ST3GAL3: variants seen among roughly 807,000 people sequenced by gnomAD.
ST3GAL3 encodes ST3 beta-galactoside alpha-2,3-sialyltransferase 3.
Under a neutral mutation model 50.1 loss-of-function variants are expected in ST3GAL3, and 21 were observed. The ratio of observed to expected loss-of-function variants is 0.42; its 90% CI spans 0.30 to 0.60. ST3GAL3 has a LOEUF of 0.60. Among genes scored for constraint, ST3GAL3 ranks in the 20% least tolerant of loss-of-function variants. The probability of loss-of-function intolerance (pLI) is 0.19; values close to 1 mark genes in which losing one functional copy is unlikely to be tolerated. For missense variants in ST3GAL3, 353 were observed against 489.4 expected, an observed-to-expected ratio of 0.72 and a Z score of 2.63; for synonymous variants, 183 against 190.0, an observed-to-expected ratio of 0.96 and a Z score of 0.30.
At chr1:43,807,104 G>A (rs2059981433) in intron 3 of ST3GAL3, among the ~76,000 whole-genome samples, 1 of 152,174 alleles carries the variant, frequency 6.6e-6, no homozygotes, top group African/African-American at 2.4e-5. Context: ...TATGGCAGGG[G>A]TGATGCTGGG....
intron 5 of ST3GAL3, among the ~76,000 whole-genome samples, chr1:43,855,033 C>T (rs923066957): frequency 2.0e-5 from 3 of 152,104 alleles, no homozygotes; most frequent in Admixed American, 6.6e-5. Context: ...AAAGTTGCCA[C>T]ATTGATCCTA....
chr1:43,764,644 C>T (rs1171492952), intron 2 of ST3GAL3, among the ~76,000 whole-genome samples: 1 of 152,244 alleles, frequency 6.6e-6, no homozygotes, highest in East Asian at 1.9e-4. Flanking sequence ...AAGGCCTCAG[C>T]CCACCCCATG....
intron 5 of ST3GAL3, among the ~76,000 whole-genome samples, chr1:43,864,765 A>G (rs576489005): frequency 8.9e-4 from 135 of 152,270 alleles, no homozygotes; most frequent in Non-Finnish European, 1.4e-3. Context: ...AAATGACAAC[A>G]TTAGGTGGCT....
At chr1:43,776,957 C>T (rs1697485333) in intron 2 of ST3GAL3, among the ~76,000 whole-genome samples, 1 of 152,156 alleles carries the variant, frequency 6.6e-6, no homozygotes, top group Admixed American at 6.5e-5. Flanking sequence ...TGGTACCATG[C>T]TCTTTTAAGG....
At chr1:43,789,574 T>C (rs1389097194) in intron 2 of ST3GAL3, among the ~76,000 whole-genome samples, 2 of 152,114 alleles carry the variant, frequency 1.3e-5, no homozygotes, top group African/African-American at 2.4e-5. Context: ...GAAATGCTGA[T>C]AAAGAAGTAG....
At chr1:43,869,104 AC>A (rs2072021295) in intron 5 of ST3GAL3, among the ~76,000 whole-genome samples, 1 of 152,080 alleles carries the variant, frequency 6.6e-6, no homozygotes, top group South Asian at 2.1e-4. Flanking sequence ...TGGTTCTAGA[AC>A]CCTGTATCGT....
intron 5 of ST3GAL3, among the ~76,000 whole-genome samples, chr1:43,877,503 G>T (rs182679556): frequency 5.9e-5 from 9 of 152,274 alleles, no homozygotes; most frequent in African/African-American, 2.2e-4. Flanking sequence ...AGAAAAGACA[G>T]ATGGAATAGG....
Position 43,858,833 on chromosome 1 carries a change from GAGA to G in ST3GAL3, c.302+20525_302+20527del, listed in dbSNP as rs1157558125. The stretch of plus-strand genomic sequence containing the variant: ...CAAATAAATAGCCAGAGCTAGAGGG[GAGA>G]AGGAGGGCTGAAGCCTTGCCTCCCC... On this transcript the variant is annotated intron_variant, in intron 5 of 11. Coordinates refer to ENST00000347631, the MANE Select transcript of ST3GAL3 (RefSeq NM_006279.5). Among the ~76,000 whole-genome samples the G allele has an allele frequency of 2.0e-5, 3 of 152,360 alleles. 1 individual carries two copies. In the East Asian group the frequency reaches 5.8e-4, roughly 29 times the overall value.
intron 2 of ST3GAL3, among the ~76,000 whole-genome samples, chr1:43,750,803 G>C (rs1226331344): frequency 2.0e-5 from 3 of 151,806 alleles, no homozygotes; most frequent in African/African-American, 7.3e-5. Flanking sequence ...GAGGCTCAGT[G>C]AGCCATGTTC....
At chr1:43,792,351 A>C (rs2058182097) in intron 3 of ST3GAL3, among the ~76,000 whole-genome samples, 1 of 128,648 alleles carries the variant, frequency 7.8e-6, no homozygotes, top group African/African-American at 2.6e-5. Flanking sequence ...AGTTACTTTA[A>C]AAGTGCACAG....
chr1:43,851,191 A>G lies in ST3GAL3; in HGVS notation c.302+12880A>G, dbSNP rs2067230567. 5.6e-6 allele frequency: 8 copies of G among 1,439,066 alleles called. No homozygotes were observed. The South Asian group carries it at 9.1e-5, about 16-fold the overall frequency. The allele number at this position is 1,439,066 out of a possible 1,614,324, so 89.1% of individuals were successfully genotyped here. ...GGCGGGTGTTCTCCTCCAGCTGGTCATAGTTGATGTAGCCAGTGTCTGGGT... is the reference window on the plus strand; with the variant it reads ...GGCGGGTGTTCTCCTCCAGCTGGTCGTAGTTGATGTAGCCAGTGTCTGGGT... On this transcript the variant is annotated intron_variant, in intron 5 of 11. Transcript: ENST00000347631.
Position 43,899,442 on chromosome 1 carries a change from G to A in ST3GAL3, c.558-99G>A. On this transcript the variant is annotated intron_variant, in intron 8 of 11. Coordinates refer to ENST00000347631, the MANE Select transcript of ST3GAL3 (RefSeq NM_006279.5). The surrounding 1 kb of genome is among the most constrained non-coding windows in gnomAD (Gnocchi z 5.4). ...GGGGCACCTGGGGAGAATAGGTCCA[G>A]GTGACCTGGACTCCCTATTCTCCAT... 1 of 1,582,472 alleles carries A rather than the reference G, an allele frequency of 6.3e-7. No homozygotes were observed. The highest frequency in any genetic ancestry group is 1.1e-5 in the South Asian group (1 of 89,318).
At chr1:43,744,257 TC>T (rs904807722) in intron 2 of ST3GAL3, among the ~76,000 whole-genome samples, 1 of 152,104 alleles carries the variant, frequency 6.6e-6, no homozygotes, top group African/African-American at 2.4e-5. Flanking sequence ...TCAAGCATCT[TC>T]TTTTTTTTTT....
intron 2 of ST3GAL3, chr1:43,743,403 GCA>G (rs1190447264): frequency 3.5e-6 from 1 of 284,298 alleles, no homozygotes; most frequent in Non-Finnish European, 6.8e-6. Context: ...CTTTAGTGAA[GCA>G]GCAACTGATA....
intron 1 of ST3GAL3, among the ~76,000 whole-genome samples, chr1:43,720,773 T>A (rs10890273): frequency 0.68 from 102,980 of 152,144 alleles, 35,231 homozygotes; most frequent in East Asian, 0.72. Context: ...TTACATACCC[T>A]CTTCCACTCT....
chr1:43,929,386 C>A (rs964733420), intron 11 of ST3GAL3, among the ~76,000 whole-genome samples: 2 of 151,726 alleles, frequency 1.3e-5, no homozygotes, highest in African/African-American at 4.8e-5. Flanking sequence ...CTCACTGCAA[C>A]CTCTGCCTCC....
chr1:43,878,316 C>G (rs763285617), intron 5 of ST3GAL3, among the ~76,000 whole-genome samples: 5 of 152,138 alleles, frequency 3.3e-5, no homozygotes, highest in Admixed American at 6.5e-5. Flanking sequence ...AGTGTACATC[C>G]TACCAGAAAA....
At chr1:43,780,783 C>T (rs1267382389) in intron 2 of ST3GAL3, among the ~76,000 whole-genome samples, 1 of 152,036 alleles carries the variant, frequency 6.6e-6, no homozygotes, top group Non-Finnish European at 1.5e-5. Flanking sequence ...AATAACATTT[C>T]TTCTCTCTGA....
At chr1:43,819,674 T>A (rs2061840934) in intron 4 of ST3GAL3, among the ~76,000 whole-genome samples, 1 of 152,192 alleles carries the variant, frequency 6.6e-6, no homozygotes, top group Admixed American at 6.5e-5. Flanking sequence ...GCAGGCTTGT[T>A]ACATGGGTTT....
Sources: gnomAD v4.1 joint callset for allele counts (sites outside exome capture counted in the v4.1 genomes callset) on GRCh38, gnomAD v4.1.1 for gene constraint, Gnocchi (gnomAD v3.1) non-coding constraint, MANE v1.5 for transcripts, NCBI Gene and HGNC (gene_info 2026-07-23, HGNC 2026-07-21) for gene names.